Variants in PABIR3 observed in about 807,000 individuals in gnomAD.
PABIR3 encodes the protein PABIR family member 1.
Under a neutral mutation model 23.1 loss-of-function variants are expected in PABIR3, and 20 were observed. That is an observed-to-expected ratio of 0.86 (90% CI 0.61 to 1.26). PABIR3 has a LOEUF of 1.26. PABIR3 is among the 50% of genes most tolerant of loss of function. The pLI is 0.00. For missense variants in PABIR3, 189 were observed against 195.4 expected, an observed-to-expected ratio of 0.97 and a Z score of 0.20; for synonymous variants, 69 against 68.5, an observed-to-expected ratio of 1.01 and a Z score of -0.04.
upstream of PABIR3, among the ~76,000 whole-genome samples, chrX:134,802,882 C>T (rs751847149): frequency 8.0e-5 from 9 of 112,644 alleles, no homozygotes; most frequent in South Asian, 1.1e-3. Context: ...CTCACAGAAT[C>T]GTGGGACAGC....
intron 3 of PABIR3, among the ~76,000 whole-genome samples, chrX:134,828,124 C>G (rs1384510995): frequency 9.8e-6 from 1 of 102,354 alleles, no homozygotes; most frequent in African/African-American, 3.6e-5. Flanking sequence ...TCTTGAACTC[C>G]TGGCCTCAAG....
At position 134,826,723 on chromosome X, in the gene PABIR3, T is replaced by C. The variant is rs192119545; in HGVS notation, c.190-2503T>C. 2.1e-4 allele frequency among the ~76,000 whole-genome samples: 23 copies of C among 111,750 alleles called. 1 individual carries two copies. The Admixed American group carries it at 2.1e-3, about 10-fold the overall frequency. On this transcript the variant is annotated intron_variant, in intron 3 of 10. Coordinates refer to ENST00000645433, the MANE Select transcript of PABIR3 (RefSeq NM_001388447.1). ...AATTTATATGTAGTAAATTTTCAGT[T>C]ACCCACATACCAATTTTCTATTGTT...
chrX:134,813,024 G>A (rs917112598), intron 2 of PABIR3, among the ~76,000 whole-genome samples: 20 of 111,741 alleles, frequency 1.8e-4, no homozygotes, highest in African/African-American at 5.2e-4. Context: ...TGTACTCTGA[G>A]ATTGTTATTC....
intron 4 of PABIR3, among the ~76,000 whole-genome samples, chrX:134,841,784 G>GT (rs2082242642): frequency 9.1e-6 from 1 of 110,383 alleles, no homozygotes; most frequent in African/African-American, 3.3e-5. Flanking sequence ...AGCCGAGATC[G>GT]TGTCACTGCT....
chrX:134,846,418 CTT>C (rs2082437694), intron 6 of PABIR3, among the ~76,000 whole-genome samples: 1 of 111,885 alleles, frequency 8.9e-6, no homozygotes, highest in African/African-American at 3.2e-5. Context: ...AGTTTCATCT[CTT>C]GTTAACATTT....
At chrX:134,813,656 C>T (rs1304193625) in intron 2 of PABIR3, among the ~76,000 whole-genome samples, 4 of 111,472 alleles carry the variant, frequency 3.6e-5, no homozygotes, top group Non-Finnish European at 7.5e-5. Context: ...TGCCGGGCAC[C>T]GCTGGGATCT....
intron 9 of PABIR3, among the ~76,000 whole-genome samples, chrX:134,851,362 C>A: frequency 9.1e-6 from 1 of 110,055 alleles, no homozygotes; most frequent in East Asian, 2.8e-4. Context: ...ATGACAAAAC[C>A]CTGTCTCTAC....
At chrX:134,837,567 C>T (rs1457705068) in intron 4 of PABIR3, among the ~76,000 whole-genome samples, 1 of 111,847 alleles carries the variant, frequency 8.9e-6, no homozygotes, top group Admixed American at 9.6e-5. Flanking sequence ...TCTCCTTAAA[C>T]TAGGTTTCTA....
At chrX:134,816,347 G>A (rs1186402293) in intron 3 of PABIR3, among the ~76,000 whole-genome samples, 2 of 111,870 alleles carry the variant, frequency 1.8e-5, no homozygotes, top group Admixed American at 1.9e-4. Context: ...TTGAGATGGA[G>A]TTTTGCTCTT....
intron 1 of PABIR3, among the ~76,000 whole-genome samples, chrX:134,801,586 C>T (rs2080065786): frequency 8.9e-6 from 1 of 112,307 alleles, no homozygotes. Context: ...GGGGGTTTTT[C>T]GTCATTCATG....
chrX:134,825,143 CT>C (rs2081450056), intron 3 of PABIR3, among the ~76,000 whole-genome samples: 2 of 110,679 alleles, frequency 1.8e-5, no homozygotes, highest in Non-Finnish European at 3.8e-5. Context: ...GAAGAGTGCT[CT>C]AAAAAATAAA....
At chrX:134,806,654 T>C (rs2080250731), upstream of PABIR3, among the ~76,000 whole-genome samples, 1 of 109,965 alleles carries the variant, frequency 9.1e-6, no homozygotes, top group Admixed American at 9.8e-5. Context: ...GATTATGGTT[T>C]AAAAAAGAAA....
intron 2 of PABIR3, chrX:134,809,740 G>T (rs900306484): frequency 6.0e-5 from 43 of 715,271 alleles, no homozygotes; most frequent in Non-Finnish European, 6.6e-5. Context: ...GACGTTTAGT[G>T]GCAGAGCCAG....
intron 3 of PABIR3, among the ~76,000 whole-genome samples, chrX:134,825,668 T>TTTA (rs1268159082): frequency 9.1e-6 from 1 of 109,606 alleles, no homozygotes; most frequent in Non-Finnish European, 1.9e-5. Flanking sequence ...TCAGATTTTT[T>TTTA]TTATTATTAT....
chrX:134,851,878 G>T (rs2082649210), intron 9 of PABIR3, among the ~76,000 whole-genome samples: 1 of 111,364 alleles, frequency 9.0e-6, no homozygotes, highest in South Asian at 3.7e-4. Context: ...AGAAGTTATG[G>T]GCTTGAATGT....
chrX:134,802,375 G>A (rs1277771232), upstream of PABIR3, among the ~76,000 whole-genome samples: 3 of 111,767 alleles, frequency 2.7e-5, no homozygotes, highest in Non-Finnish European at 5.6e-5. Context: ...ATGAGCCACC[G>A]TGCCCGGCCT....
At chrX:134,804,121 C>G, upstream of PABIR3, 1 of 795,122 alleles carries the variant, frequency 1.3e-6, no homozygotes. Context: ...GGGACAGACG[C>G]AGCAGACTGG....
intron 4 of PABIR3, among the ~76,000 whole-genome samples, chrX:134,843,905 C>A (rs1328613278): frequency 9.8e-6 from 1 of 101,835 alleles, no homozygotes; most frequent in Non-Finnish European, 2.0e-5. Context: ...TGTTCCATTG[C>A]TATATGCATG....
At chrX:134,827,214 G>A (rs948019303) in intron 3 of PABIR3, among the ~76,000 whole-genome samples, 1 of 110,948 alleles carries the variant, frequency 9.0e-6, no homozygotes, top group African/African-American at 3.3e-5. Flanking sequence ...ACCCGCCTCC[G>A]CCTCCCCCTC....
Sources: allele counts gnomAD v4.1 joint callset (sites outside exome capture counted in the v4.1 genomes callset), GRCh38; gene constraint gnomAD v4.1.1; transcripts MANE v1.5; gene names NCBI Gene and HGNC (gene_info 2026-07-23, HGNC 2026-07-21).